Variants in POMZP3 observed in about 807,000 individuals in gnomAD.
POMZP3 encodes POM121 and ZP3 fusion protein.
A neutral mutation model predicts 19.8 loss-of-function variants in POMZP3; 10 were observed. The ratio of observed to expected loss-of-function variants is 0.51; its 90% CI spans 0.31 to 0.86. The LOEUF (loss-of-function observed/expected upper bound fraction) is 0.86, where lower values mean the gene tolerates loss of function less well. Among genes scored for constraint, POMZP3 ranks in the 40% least tolerant of loss-of-function variants. POMZP3 has a pLI of 0.04. For missense variants in POMZP3, 152 were observed against 228.1 expected, an observed-to-expected ratio of 0.67 and a Z score of 2.15; for synonymous variants, 57 against 85.8, an observed-to-expected ratio of 0.66 and a Z score of 1.85.
At chr7:76,618,962 A>G (rs59080347) in intron 3 of POMZP3, among the ~76,000 whole-genome samples, 8,085 of 151,966 alleles carry the variant, frequency 0.053, 547 homozygotes, top group African/African-American at 0.18. Flanking sequence ...CGATTTTTGT[A>G]TTTTTTGTCA....
chr7:76,626,816 C>T lies in POMZP3; in HGVS notation c.-260G>A. ...GGGCGGTGTGGAGCGCGGCGCCGGG[C>T]GGGCGGGCGGCGGCCAGGCCTATTC... On this transcript the variant is annotated 5_prime_UTR_variant, in exon 1 of 7. Coordinates refer to ENST00000310842, the MANE Select transcript of POMZP3 (RefSeq NM_012230.5). 4 of 855,708 alleles carry T rather than the reference C, an allele frequency of 4.7e-6. No individual in the cohort carries two copies. The highest frequency in any genetic ancestry group is 3.2e-5 in the East Asian group (1 of 31,480). 53.0% of individuals were successfully genotyped at this position (855,708 alleles called of 1,614,324 possible).
chr7:76,621,819 A>G (rs1183063394), intron 3 of POMZP3, among the ~76,000 whole-genome samples: 1 of 150,430 alleles, frequency 6.6e-6, no homozygotes, highest in Non-Finnish European at 1.5e-5. Context: ...GGGCACCTGC[A>G]GTCCCAGCTA....
intron 3 of POMZP3, among the ~76,000 whole-genome samples, chr7:76,620,419 CACG>C (rs1815489981): frequency 7.0e-6 from 1 of 143,340 alleles, no homozygotes; most frequent in African/African-American, 2.7e-5. Context: ...ACGGTGAGCA[CACG>C]TACCTTATTT....
intron 3 of POMZP3, among the ~76,000 whole-genome samples, chr7:76,624,665 C>T (rs1226260244): frequency 1.0e-4 from 15 of 147,532 alleles, no homozygotes; most frequent in African/African-American, 3.2e-4. Context: ...AGGCTGGTCT[C>T]GAACTCCTGA....
intron 6 of POMZP3, among the ~76,000 whole-genome samples, chr7:76,611,112 G>A (rs1284343055): frequency 7.0e-6 from 1 of 143,650 alleles, no homozygotes; most frequent in Non-Finnish European, 1.5e-5. Flanking sequence ...GACCTCAGGT[G>A]ACCTGCCCGC....
intron 4 of POMZP3, among the ~76,000 whole-genome samples, chr7:76,612,918 T>G (rs2868322): frequency 4.8e-4 from 40 of 82,568 alleles, no homozygotes; most frequent in African/African-American, 1.7e-3. Flanking sequence ...GAGGTTTTTT[T>G]TTTGTTTTTT....
chr7:76,620,518 G>C (rs1488427587), intron 3 of POMZP3, among the ~76,000 whole-genome samples: 2 of 150,532 alleles, frequency 1.3e-5, no homozygotes, highest in Non-Finnish European at 2.9e-5. Context: ...GCCCAAGCTA[G>C]AGTGCAATGG....
chr7:76,622,872 C>T (rs1467728986), intron 3 of POMZP3, among the ~76,000 whole-genome samples: 1 of 147,350 alleles, frequency 6.8e-6, no homozygotes, highest in Admixed American at 6.8e-5. Context: ...ATCTAAATTC[C>T]TTTTTTTTTT....
At chr7:76,622,672 AGTTTTGTTTT>A (rs756934897) in intron 3 of POMZP3, among the ~76,000 whole-genome samples, 9 of 150,226 alleles carry the variant, frequency 6.0e-5, no homozygotes, top group Non-Finnish European at 1.2e-4. Flanking sequence ...CCCATTCTCA[AGTTTTGTTTT>A]GTTTTGTTTT....
intron 3 of POMZP3, among the ~76,000 whole-genome samples, chr7:76,622,374 G>A (rs924858303): frequency 1.6e-5 from 1 of 62,792 alleles, no homozygotes; most frequent in Non-Finnish European, 3.0e-5. Flanking sequence ...TCATTCTCAA[G>A]TTTTTTTTTT....
intron 3 of POMZP3, among the ~76,000 whole-genome samples, chr7:76,625,164 T>C (rs1290500816): frequency 3.5e-5 from 5 of 143,642 alleles, no homozygotes; most frequent in African/African-American, 7.7e-5. Context: ...ACACTAGAAC[T>C]GGTGGTTACC....
chr7:76,618,400 T>C, intron 3 of POMZP3, 100 bp from the exon 4 acceptor site: 1 of 958,054 alleles, frequency 1.0e-6, no homozygotes, highest in Non-Finnish European at 1.6e-6. Flanking sequence ...GGTGGGTGGA[T>C]CACTTGAGGT....
rs1178773344 is a variant in POMZP3 at position 76,611,566 on chromosome 7, C to A, written c.463G>T (p.Asp155Tyr). 6.2e-7 allele frequency: 1 copy of A among 1,602,732 alleles called. No individual in the cohort carries two copies. Among genetic ancestry groups the A allele is most frequent in the East Asian group, 2.2e-5 (1 of 44,870 alleles). The part of the protein sequence containing the change: ...NSWFPVEGLA[D>Y]ICQCCNKGDC... Reference sequence around the variant, plus strand: ...CCTTTGTTACAGCATTGACAGATGTCAGCCAGGCCTTCCACTGGGAACCAG... The same window carrying A: ...CCTTTGTTACAGCATTGACAGATGTAAGCCAGGCCTTCCACTGGGAACCAG... Residue 155 changes from aspartate to tyrosine, a missense_variant, in exon 6 of 7, where the codon GAC (aspartate) becomes TAC (tyrosine). Coordinates refer to ENST00000310842, the MANE Select transcript of POMZP3 (RefSeq NM_012230.5).
At chr7:76,626,298 G>C in intron 1 of POMZP3, 83 bp from the exon 2 acceptor site, 1 of 1,300,936 alleles carries the variant, frequency 7.7e-7, no homozygotes, top group Non-Finnish European at 1.1e-6. Flanking sequence ...CACCAGTTAA[G>C]ACATTTTCCA....
intron 6 of POMZP3, among the ~76,000 whole-genome samples, chr7:76,610,885 T>G (rs1424280306): frequency 1.3e-5 from 2 of 149,986 alleles, no homozygotes; most frequent in African/African-American, 5.0e-5. Flanking sequence ...TATTATTTTT[T>G]TTTTTTGAGA....
chr7:76,626,255 A>G (rs1047323399), intron 1 of POMZP3, 40 bp from the exon 2 acceptor site: 86 of 1,494,100 alleles, frequency 5.8e-5, no homozygotes, highest in Non-Finnish European at 7.5e-5. Context: ...ACAAAGTATA[A>G]AAGAATGTCA....
intron 1 of POMZP3, 91 bp downstream of exon 1, chr7:76,626,617 G>C: frequency 8.1e-7 from 1 of 1,230,920 alleles, no homozygotes; most frequent in Non-Finnish European, 1.1e-6. Flanking sequence ...AATTCCCTTC[G>C]GATTTGATGA....
At chr7:76,625,489 G>C in intron 3 of POMZP3, 33 bp downstream of exon 3, 9 of 1,606,070 alleles carry the variant, frequency 5.6e-6, no homozygotes, top group South Asian at 1.1e-5. Context: ...GTCCAAGCGG[G>C]AAACTGGCTT....
chr7:76,620,950 C>T (rs1034653205), intron 3 of POMZP3, among the ~76,000 whole-genome samples: 4 of 141,444 alleles, frequency 2.8e-5, no homozygotes, highest in African/African-American at 1.1e-4. Context: ...CTCACTGCAA[C>T]CTCTGCCTCC....
Sources: allele counts gnomAD v4.1 joint callset (sites outside exome capture counted in the v4.1 genomes callset), GRCh38; gene constraint gnomAD v4.1.1; transcripts MANE v1.5; gene names NCBI Gene and HGNC (gene_info 2026-07-23, HGNC 2026-07-21).